MMP26: variants seen among roughly 807,000 people sequenced by gnomAD.
MMP26 encodes the protein matrix metallopeptidase 26.
A neutral mutation model predicts 31.0 loss-of-function variants in MMP26; 33 were observed. The ratio of observed to expected loss-of-function variants is 1.06; its 90% CI spans 0.81 to 1.42. The LOEUF (loss-of-function observed/expected upper bound fraction) is 1.42, where lower values mean the gene tolerates loss of function less well. Among genes scored for constraint, MMP26 ranks in the 40% most tolerant of loss-of-function variants. The pLI is 0.00. For missense variants in MMP26, 347 were observed against 316.1 expected, an observed-to-expected ratio of 1.10 and a Z score of -0.74; for synonymous variants, 122 against 114.9, an observed-to-expected ratio of 1.06 and a Z score of -0.40.
chr11:4,779,775 A>G (rs758931891), intron 2 of MMP26, among the ~76,000 whole-genome samples: 2 of 152,226 alleles, frequency 1.3e-5, no homozygotes, highest in Admixed American at 1.3e-4. Context: ...TAGCTTAATG[A>G]ATCCTAGCAA....
intron 1 of MMP26, among the ~76,000 whole-genome samples, chr11:4,760,011 G>A (rs1848553253): frequency 6.6e-6 from 1 of 152,190 alleles, no homozygotes; most frequent in Admixed American, 6.5e-5. Flanking sequence ...TTTAGGAAAT[G>A]AGCACAAAGG....
chr11:4,818,023 G>A (rs938086591), intron 2 of MMP26, among the ~76,000 whole-genome samples: 1 of 152,182 alleles, frequency 6.6e-6, no homozygotes, highest in African/African-American at 2.4e-5. Context: ...AATGGGAAGT[G>A]GAGAGGCAAG....
intron 1 of MMP26, among the ~76,000 whole-genome samples, chr11:4,707,307 G>C (rs947483108): frequency 6.6e-6 from 1 of 152,052 alleles, no homozygotes; most frequent in African/African-American, 2.4e-5. Context: ...TTTTATATTT[G>C]TTGGCCATTT....
intron 1 of MMP26, among the ~76,000 whole-genome samples, chr11:4,748,381 A>G (rs1475154852): frequency 6.6e-6 from 1 of 152,098 alleles, no homozygotes; most frequent in African/African-American, 2.4e-5. Context: ...AAGAGTTGGT[A>G]CCAATCCAAC....
At chr11:4,758,923 C>T (rs1015451245) in intron 1 of MMP26, among the ~76,000 whole-genome samples, 1 of 151,492 alleles carries the variant, frequency 6.6e-6, no homozygotes, top group Admixed American at 6.6e-5. Context: ...ACCAGCCTGA[C>T]CAACACAGAG....
At chr11:4,765,742 T>C (rs1848620290) in intron 1 of MMP26, among the ~76,000 whole-genome samples, 1 of 152,220 alleles carries the variant, frequency 6.6e-6, no homozygotes, top group Non-Finnish European at 1.5e-5. Context: ...TTAGAGATGC[T>C]GGTATCATTT....
At chr11:4,962,145 C>T (rs1220354026) in intron 2 of MMP26, among the ~76,000 whole-genome samples, 1 of 152,138 alleles carries the variant, frequency 6.6e-6, no homozygotes, top group South Asian at 2.1e-4. Flanking sequence ...GAAGCAGCGG[C>T]AACTCAGTGT....
chr11:4,976,364 T>A (rs1846735865), intron 2 of MMP26, among the ~76,000 whole-genome samples: 1 of 152,066 alleles, frequency 6.6e-6, no homozygotes, highest in Non-Finnish European at 1.5e-5. Context: ...TTGTCAAACC[T>A]TGAGTATATG....
intron 1 of MMP26, among the ~76,000 whole-genome samples, chr11:4,713,160 C>T (rs964120253): frequency 6.6e-6 from 1 of 151,980 alleles, no homozygotes; most frequent in Non-Finnish European, 1.5e-5. Context: ...ATTAGGGATT[C>T]TCAAATTAGG....
chr11:4,763,404 G>C (rs530061883), intron 1 of MMP26, among the ~76,000 whole-genome samples: 78 of 152,266 alleles, frequency 5.1e-4, no homozygotes, highest in African/African-American at 1.7e-3. Context: ...GCATAGTCAG[G>C]TTTCTTCAAT....
Position 4,925,128 on chromosome 11 carries a change from T to C in MMP26, c.-144-62940T>C, listed in dbSNP as rs142204917. Among the ~76,000 whole-genome samples, 845 of 152,342 alleles carry C rather than the reference T, an allele frequency of 5.5e-3. 8 individuals carry two copies. Among genetic ancestry groups the C allele is most frequent in the African/African-American group, 0.019 (810 of 41,584 alleles). Reference sequence around the variant, plus strand: ...CAACTCTGACACCAGTTCTATCTTGTAAGTTCTATTCTTAGGAGCATAGTA... The same window carrying C: ...CAACTCTGACACCAGTTCTATCTTGCAAGTTCTATTCTTAGGAGCATAGTA... On this transcript the variant is annotated intron_variant, in intron 2 of 7. Coordinates refer to ENST00000380390, the MANE Select transcript of MMP26 (RefSeq NM_021801.5).
At chr11:4,851,945 C>T (rs550391155) in intron 2 of MMP26, among the ~76,000 whole-genome samples, 66 of 151,926 alleles carry the variant, frequency 4.3e-4, no homozygotes, top group African/African-American at 1.5e-3. Context: ...GAAATTTCAA[C>T]CATATCAATA....
intron 2 of MMP26, chr11:4,804,002 C>T (rs758370052): frequency 3.1e-5 from 50 of 1,613,706 alleles, no homozygotes; most frequent in South Asian, 4.4e-5. Context: ...CAGATAGCCA[C>T]GTAGCAGTCC....
intron 2 of MMP26, among the ~76,000 whole-genome samples, chr11:4,951,123 A>C (rs1444365506): frequency 1.6e-5 from 2 of 125,008 alleles, no homozygotes; most frequent in Non-Finnish European, 3.6e-5. Flanking sequence ...AATATTCATC[A>C]ACATGTGAAT....
chr11:4,945,230 A>G (rs1846276467), intron 2 of MMP26: 1 of 152,158 alleles, frequency 6.6e-6, no homozygotes, highest in Admixed American at 6.5e-5. Context: ...TGAGGAAATT[A>G]AGCCAAAATT....
chr11:4,710,123 T>C, intron 1 of MMP26: 1 of 456,810 alleles, frequency 2.2e-6, no homozygotes, highest in Non-Finnish European at 4.4e-6. Flanking sequence ...TCCACCCTGA[T>C]GCGATGAAGC....
At chr11:4,856,292 T>G (rs1850051879) in intron 2 of MMP26, among the ~76,000 whole-genome samples, 1 of 152,000 alleles carries the variant, frequency 6.6e-6, no homozygotes, top group Non-Finnish European at 1.5e-5. Flanking sequence ...GGATAAACAG[T>G]CAAGACCCAT....
intron 2 of MMP26, among the ~76,000 whole-genome samples, chr11:4,773,153 TC>T (rs1413116352): frequency 2.6e-4 from 39 of 152,308 alleles, no homozygotes; most frequent in African/African-American, 8.9e-4. Context: ...AATAAAATAG[TC>T]CCTCAGTACT....
intron 1 of MMP26, among the ~76,000 whole-genome samples, chr11:4,745,410 A>G (rs538756715): frequency 6.6e-6 from 1 of 152,238 alleles, no homozygotes. Flanking sequence ...CAAAATATTC[A>G]GATGCTAGGG....
Sources: allele counts gnomAD v4.1 joint callset (sites outside exome capture counted in the v4.1 genomes callset), GRCh38; gene constraint gnomAD v4.1.1; transcripts MANE v1.5; gene names NCBI Gene and HGNC (gene_info 2026-07-23, HGNC 2026-07-21).